Variants in HTR2C observed in about 807,000 individuals in gnomAD.
HTR2C encodes 5-hydroxytryptamine receptor 2C.
In HTR2C, 5 loss-of-function variants were observed where a neutral mutation model predicts 21.0. The ratio of observed to expected loss-of-function variants is 0.24; its 90% confidence interval spans 0.12 to 0.50. HTR2C has a LOEUF of 0.50. Ranked by LOEUF, HTR2C falls within the 20% of genes least tolerant of loss-of-function variation. The pLI is 0.98. For synonymous variants in HTR2C, 150 were observed against 145.3 expected (o/e 1.03, Z -0.23); for missense variants, 271 against 371.2 (o/e 0.73, Z 2.22).
intron 4 of HTR2C, among the ~76,000 whole-genome samples, chrX:114,805,342 C>A (rs1295336576): frequency 9.3e-6 from 1 of 107,779 alleles, no homozygotes; most frequent in Non-Finnish European, 1.9e-5. Context: ...AGAACTGAGG[C>A]CCTTCTCTTG....
At chrX:114,794,710 C>T (rs1318900735) in intron 4 of HTR2C, among the ~76,000 whole-genome samples, 1 of 109,104 alleles carries the variant, frequency 9.2e-6, no homozygotes, top group Non-Finnish European at 1.9e-5. Context: ...ATGAACTCAT[C>T]ATTTTTTATG....
At chrX:114,834,676 C>A (rs2070763562) in intron 4 of HTR2C, among the ~76,000 whole-genome samples, 1 of 103,772 alleles carries the variant, frequency 9.6e-6, no homozygotes, top group African/African-American at 3.5e-5. Context: ...CAGTCTGTGT[C>A]TTTTAATTGG....
chrX:114,901,569 T>C (rs1163975422), intron 5 of HTR2C, among the ~76,000 whole-genome samples: 1 of 112,190 alleles, frequency 8.9e-6, no homozygotes. Flanking sequence ...TTAATGAATT[T>C]AATATTCTAA....
intron 2 of HTR2C, among the ~76,000 whole-genome samples, chrX:114,626,189 G>T (rs1191432101): frequency 1.9e-5 from 2 of 105,821 alleles, no homozygotes; most frequent in Non-Finnish European, 3.9e-5. Context: ...GCCAGCCTAG[G>T]CAACATGTCA....
At chrX:114,786,429 A>C (rs1171510835) in intron 4 of HTR2C, among the ~76,000 whole-genome samples, 2 of 112,060 alleles carry the variant, frequency 1.8e-5, no homozygotes, top group Non-Finnish European at 3.8e-5. Flanking sequence ...TCTACATTGT[A>C]AAAGCAGCAG....
At chrX:114,667,532 T>C (rs1328434816) in intron 2 of HTR2C, among the ~76,000 whole-genome samples, 15 of 111,862 alleles carry the variant, frequency 1.3e-4, no homozygotes, top group African/African-American at 4.5e-4. Context: ...CTGACTATAT[T>C]TTGAGAAGCC....
chrX:114,871,342 T>C (rs2071090113), intron 5 of HTR2C, among the ~76,000 whole-genome samples: 1 of 112,252 alleles, frequency 8.9e-6, no homozygotes, highest in Non-Finnish European at 1.9e-5. Context: ...TAAACTAAAA[T>C]ATGCACTGTC....
At chrX:114,642,236 T>C (rs1313711517) in intron 2 of HTR2C, among the ~76,000 whole-genome samples, 1 of 112,240 alleles carries the variant, frequency 8.9e-6, no homozygotes, top group Non-Finnish European at 1.9e-5. Context: ...AACAGAATGA[T>C]TTATATTTCT....
At chrX:114,717,448 T>C (rs1933026700) in intron 2 of HTR2C, 1 of 112,359 alleles carries the variant, frequency 8.9e-6, no homozygotes, top group African/African-American at 3.2e-5. Context: ...ATCATTATAA[T>C]GTGCTAACGG....
At chrX:114,881,611 T>C (rs895156456) in intron 5 of HTR2C, among the ~76,000 whole-genome samples, 2 of 109,985 alleles carry the variant, frequency 1.8e-5, no homozygotes, top group African/African-American at 6.6e-5. Flanking sequence ...TTTCCTTCAC[T>C]GAATTGTCTT....
chrX:114,835,751 A>G (rs1286011167), intron 4 of HTR2C, among the ~76,000 whole-genome samples: 2 of 111,916 alleles, frequency 1.8e-5, no homozygotes, highest in African/African-American at 6.5e-5. Flanking sequence ...GCTGGTGAGG[A>G]ACTGCGTTCC....
At chrX:114,705,453 G>A (rs1602702823) in intron 2 of HTR2C, among the ~76,000 whole-genome samples, 2 of 108,319 alleles carry the variant, frequency 1.8e-5, no homozygotes, top group South Asian at 8.3e-4. Flanking sequence ...AACAAGCAAT[G>A]GGGAAAGGAT....
intron 4 of HTR2C, among the ~76,000 whole-genome samples, chrX:114,841,001 T>G (rs1193540929): frequency 9.0e-6 from 1 of 111,689 alleles, no homozygotes; most frequent in Non-Finnish European, 1.9e-5. Context: ...AAGCACCAGT[T>G]CATCAGTCTG....
intron 5 of HTR2C, among the ~76,000 whole-genome samples, chrX:114,867,122 A>G (rs1175570122): frequency 8.9e-6 from 1 of 111,858 alleles, no homozygotes; most frequent in African/African-American, 3.2e-5. Context: ...TCCCACCAAC[A>G]GTGTTATGAG....
chrX:114,810,307 C>A (rs1265737767), intron 4 of HTR2C, among the ~76,000 whole-genome samples: 1 of 111,403 alleles, frequency 9.0e-6, no homozygotes, highest in Non-Finnish European at 1.9e-5. Flanking sequence ...GTCTCATGCA[C>A]CCCAAGTGCA....
chrX:114,881,488 A>G (rs1267163928), intron 5 of HTR2C, among the ~76,000 whole-genome samples: 1 of 106,509 alleles, frequency 9.4e-6, no homozygotes, highest in East Asian at 2.9e-4. Context: ...AGGTCTTTGA[A>G]CTATTTTGAG....
chrX:114,835,722 T>C (rs12845478), intron 4 of HTR2C, among the ~76,000 whole-genome samples: 4 of 112,530 alleles, frequency 3.6e-5, no homozygotes, highest in Admixed American at 9.4e-5. Flanking sequence ...AGTCATTCTC[T>C]ATCCAGCTTT....
At chrX:114,840,327 A>G (rs1556465173) in intron 4 of HTR2C, among the ~76,000 whole-genome samples, 2 of 111,746 alleles carry the variant, frequency 1.8e-5, no homozygotes, top group Non-Finnish European at 3.8e-5. Flanking sequence ...AAATAAAAAC[A>G]ACAAAAATAA....
intron 2 of HTR2C, among the ~76,000 whole-genome samples, chrX:114,704,286 T>C (rs1317273320): frequency 9.0e-6 from 1 of 111,427 alleles, no homozygotes; most frequent in African/African-American, 3.3e-5. Flanking sequence ...ATATCCTTGA[T>C]GAACATTGAT....
Sources: gnomAD v4.1 joint callset for allele counts (sites outside exome capture counted in the v4.1 genomes callset) on GRCh38, gnomAD v4.1.1 for gene constraint, MANE v1.5 for transcripts, NCBI Gene and HGNC (gene_info 2026-07-23, HGNC 2026-07-21) for gene names.